Variants in LSM4 observed in about 807,000 individuals in gnomAD.
LSM4 encodes LSM4 homolog, U6 small nuclear RNA and mRNA degradation associated.
A neutral mutation model predicts 22.3 loss-of-function variants in LSM4; 15 were observed. The observed-to-expected ratio is 0.67, with a 90% CI of 0.45 to 1.03. The LOEUF (loss-of-function observed/expected upper bound fraction) is 1.03, where lower values mean the gene tolerates loss of function less well. Ranked by LOEUF, LSM4 falls within the 50% of genes least tolerant of loss-of-function variation. The probability of loss-of-function intolerance (pLI) is 0.00; values close to 1 mark genes in which losing one functional copy is unlikely to be tolerated. For missense variants in LSM4, 127 were observed against 198.0 expected (o/e 0.64, Z 2.15); for synonymous variants, 90 against 79.8 (o/e 1.13, Z -0.68).
chr19:18,320,672 G>T (rs1279138202), intron 1 of LSM4, among the ~76,000 whole-genome samples: 1 of 152,100 alleles, frequency 6.6e-6, no homozygotes. Flanking sequence ...GGTGGTGCGT[G>T]CCTGTAATCA....
intron 4 of LSM4, among the ~76,000 whole-genome samples, chr19:18,308,602 G>A (rs1022211279): frequency 1.3e-5 from 2 of 152,218 alleles, no homozygotes; most frequent in Admixed American, 1.3e-4. Context: ...AGGCTCAGTC[G>A]TGGGCCAGGG....
At chr19:18,313,172 T>C (rs1475582237) in intron 2 of LSM4, among the ~76,000 whole-genome samples, 2 of 151,508 alleles carry the variant, frequency 1.3e-5, no homozygotes, top group Admixed American at 6.6e-5. Context: ...TGAGTTGAGA[T>C]AGGGGGAGGT....
At chr19:18,311,824 C>A (rs1970302127) in intron 3 of LSM4, among the ~76,000 whole-genome samples, 1 of 152,166 alleles carries the variant, frequency 6.6e-6, no homozygotes, top group Non-Finnish European at 1.5e-5. Context: ...AAGATACGGC[C>A]ACTTCAGGAA....
At position 18,307,464 on chromosome 19, in the gene LSM4, T is replaced by C; in HGVS notation, c.420A>G (p.Ter140TrpextTer42). Residue 140 changes from the stop codon to tryptophan (W), a stop_lost, in exon 5 of 5, where the codon TGA becomes TGG. Transcript: ENST00000593829. Reference sequence around the variant, plus strand: ...CGCAGCAGCCGGTCTGGGTGGGCGCTCACTGTTTGCCCGCCTGTCTGCCAG... The same window carrying C: ...CGCAGCAGCCGGTCTGGGTGGGCGCCCACTGTTTGCCCGCCTGTCTGCCAG... ...KKPGRQAGKQ[*>W] 6.5e-7 allele frequency: 1 copy of C among 1,532,630 alleles called. No individual in the cohort carries two copies. Among genetic ancestry groups the C allele is most frequent in the Non-Finnish European group, 8.8e-7 (1 of 1,141,040 alleles). 94.9% of individuals were successfully genotyped at this position (1,532,630 alleles called of 1,614,324 possible).
rs1970275745 is a variant in LSM4, at chr19:18,309,669, G to A, written c.328+9C>T. 2 of 1,592,790 alleles carry A rather than the reference G, an allele frequency of 1.3e-6. No individual in the cohort carries two copies. Among genetic ancestry groups the A allele is most frequent in the Non-Finnish European group, 1.7e-6 (2 of 1,171,842 alleles). ...CCCCAGGTACGTCCACTGGAGAGGG[G>A]AGACCCACCTCGGCCAGCGCCGCCC... On this transcript the variant is annotated intron_variant, in intron 4 of 4. Coordinates refer to ENST00000593829, the MANE Select transcript of LSM4 (RefSeq NM_012321.5).
At chr19:18,319,105 G>A (rs1970392470) in intron 1 of LSM4, among the ~76,000 whole-genome samples, 1 of 152,072 alleles carries the variant, frequency 6.6e-6, no homozygotes, top group Non-Finnish European at 1.5e-5. Flanking sequence ...AGCTGGGCGT[G>A]GTGGTAGGCA....
intron 2 of LSM4, among the ~76,000 whole-genome samples, chr19:18,314,971 G>A (rs1449392082): frequency 1.3e-5 from 2 of 151,916 alleles, no homozygotes; most frequent in South Asian, 2.1e-4. Flanking sequence ...TGCAAGCTCC[G>A]CCTCCCGGGT....
intron 1 of LSM4, among the ~76,000 whole-genome samples, chr19:18,317,304 G>A (rs1007766443): frequency 2.0e-5 from 3 of 149,896 alleles, no homozygotes; most frequent in African/African-American, 7.4e-5. Flanking sequence ...TAACAGCATT[G>A]AGCCATCACC....
chr19:18,320,297 C>G (rs970810295), intron 1 of LSM4, among the ~76,000 whole-genome samples: 1 of 152,072 alleles, frequency 6.6e-6, no homozygotes, highest in Admixed American at 6.6e-5. Context: ...CGCTTGAGCC[C>G]AGGAGTATGA....
At chr19:18,310,267 C>A in intron 3 of LSM4, 1 of 220,644 alleles carries the variant, frequency 4.5e-6, no homozygotes, top group South Asian at 7.9e-5. Context: ...CCAGACACAG[C>A]CGAAGCCCAG....
Position 18,312,646 on chromosome 19 carries a change from G to A in LSM4, c.102C>T (p.Asn34=). The A allele has an allele frequency of 2.5e-6, 4 of 1,613,940 alleles. No individual in the cohort carries two copies. The highest frequency in any genetic ancestry group is 1.6e-4 in the Middle Eastern group (1 of 6,062). The change falls in exon 3 of 5, where the codon AAC becomes AAT. Residue 34 remains asparagine (N), a synonymous_variant. Coordinates refer to ENST00000593829, the MANE Select transcript of LSM4 (RefSeq NM_012321.5). The stretch of plus-strand genomic sequence containing the variant: ...CTTCTCGCAGGTTAATGTTCATCCA[G>A]TTGTCGCAGCTCACCAGGTGTCCAT... The part of the protein sequence containing the change: ...TYNGHLVSCD[N]WMNINLREVI...
intron 3 of LSM4, 115 bp from the exon 4 acceptor site, chr19:18,309,976 G>A (rs1970280815): frequency 1.0e-6 from 1 of 967,238 alleles, no homozygotes; most frequent in African/African-American, 1.6e-5. Context: ...ACCCCTGCAA[G>A]CTGCACAGTA....
At chr19:18,311,051 G>T (rs1287533292) in intron 3 of LSM4, among the ~76,000 whole-genome samples, 3 of 152,172 alleles carry the variant, frequency 2.0e-5, no homozygotes, top group East Asian at 1.9e-4. Context: ...GGGCGGGGAG[G>T]AACAGCCCCT....
At chr19:18,314,203 G>A (rs1486311228) in intron 2 of LSM4, among the ~76,000 whole-genome samples, 1 of 152,122 alleles carries the variant, frequency 6.6e-6, no homozygotes, top group African/African-American at 2.4e-5. Context: ...AAAGGGGAAA[G>A]AGCCCAGATG....
intron 2 of LSM4, among the ~76,000 whole-genome samples, chr19:18,313,663 G>A (rs1158405314): frequency 6.6e-6 from 1 of 151,924 alleles, no homozygotes; most frequent in Admixed American, 6.6e-5. Context: ...GACTATAAGC[G>A]CACACTACCA....
chr19:18,312,403 C>A, intron 3 of LSM4: 1 of 543,026 alleles, frequency 1.8e-6, no homozygotes, highest in Non-Finnish European at 3.3e-6. Flanking sequence ...GAAAGTCTCC[C>A]ACAGGGTCAA....
Position 18,307,553 on chromosome 19 carries a change from C to T in LSM4, c.331G>A (p.Val111Met). ...GRGMGGAGRG[V>M]FGGRGRGGIP... ...CCACCTCGGCCCCGGCCACCAAACA[C>T]ACCTAGAGGACAGAGAGAGGGCGCT... Residue 111 changes from valine (V) to methionine (M), a missense_variant and splice_region_variant, in exon 5 of 5, where the codon GTG becomes ATG. By Grantham distance (21) the Val-to-Met change is conservative. Coordinates refer to ENST00000593829, the MANE Select transcript of LSM4 (RefSeq NM_012321.5). 1 of 1,527,956 alleles carries T rather than the reference C, an allele frequency of 6.5e-7. No homozygotes were observed. The highest frequency in any genetic ancestry group is 8.8e-7 in the Non-Finnish European group (1 of 1,136,340). The allele number at this position is 1,527,956 out of a possible 1,614,324, so 94.6% of individuals were successfully genotyped here. A position where few individuals can be genotyped will look rare whatever the true frequency, so the allele number is the denominator to read the frequency against.
chr19:18,306,636 A>ACC lies in LSM4; in HGVS notation c.*826_*827dup, dbSNP rs1329093321. The ACC allele has an allele frequency of 6.6e-6, 1 of 152,172 alleles. No individual in the cohort carries two copies. Among genetic ancestry groups the ACC allele is most frequent in the African/African-American group, 2.4e-5 (1 of 41,400 alleles). The allele number at this position is 152,172 out of a possible 1,614,324, so 9.4% of individuals were successfully genotyped here. ...CTGCCTGGGACTTCCCTCCCCACAC[A>ACC]CCCCTTGGCATTAACGTCTCCACAG... On this transcript the variant is annotated 3_prime_UTR_variant, in exon 5 of 5. Coordinates refer to ENST00000593829, the MANE Select transcript of LSM4 (RefSeq NM_012321.5).
At position 18,316,306 on chromosome 19, in the gene LSM4, C is replaced by T. The variant is rs1009409935; in HGVS notation, c.4-241G>A. 1.1e-4 allele frequency: 47 copies of T among 425,432 alleles called. 1 individual carries two copies. The East Asian group carries it at 1.8e-3, about 17-fold the overall frequency. The allele number at this position is 425,432 out of a possible 1,614,324, so 26.4% of individuals were successfully genotyped here. A position where few individuals can be genotyped will look rare whatever the true frequency, so the allele number is the denominator to read the frequency against. On this transcript the variant is annotated intron_variant, in intron 1 of 4. Coordinates refer to ENST00000593829, the MANE Select transcript of LSM4 (RefSeq NM_012321.5). ...CCTCCCTACTCCCGTAGGTGGCCAC[C>T]ACCTGCTCTTGGTGCTGAACACTCT...
Sources: allele counts gnomAD v4.1 joint callset (sites outside exome capture counted in the v4.1 genomes callset), GRCh38; gene constraint gnomAD v4.1.1; transcripts MANE v1.5; gene names NCBI Gene and HGNC (gene_info 2026-07-23, HGNC 2026-07-21).